SLC5A4: variants seen among roughly 807,000 people sequenced by gnomAD.
The protein encoded by SLC5A4 is solute carrier family 5 member 4.
Under a neutral mutation model 70.3 loss-of-function variants are expected in SLC5A4, and 55 were observed. That is an observed-to-expected ratio of 0.78 (90% CI 0.63 to 0.98). The LOEUF (loss-of-function observed/expected upper bound fraction) is 0.98. Among genes scored for constraint, SLC5A4 ranks in the 50% least tolerant of loss-of-function variants. The probability of loss-of-function intolerance (pLI) is 0.00; values close to 1 mark genes in which losing one functional copy is unlikely to be tolerated. For missense variants in SLC5A4, 735 were observed against 839.2 expected (o/e 0.88, Z 1.53); for synonymous variants, 268 against 305.7 (o/e 0.88, Z 1.29).
At position 32,236,984 on chromosome 22, in the gene SLC5A4, G is replaced by A. The variant is rs558897679; in HGVS notation, c.664+260C>T. Among the ~76,000 whole-genome samples, 78 of 152,226 alleles carry A rather than the reference G, an allele frequency of 5.1e-4. 1 individual carries two copies. Among genetic ancestry groups the A allele is most frequent in the African/African-American group, 1.9e-3 (77 of 41,522 alleles). ...CTCCCAAAGTGCTGGGATTACAAGC[G>A]TGAGCCACCGCGCCCGGCCTCTAAG... On this transcript the variant is annotated intron_variant, in intron 7 of 14. Transcript: ENST00000266086.
chr22:32,272,100 A>G, the SLC5A4 span: 1 of 656,518 alleles, frequency 1.5e-6, no homozygotes. Context: ...GCTTGTGACC[A>G]GCACGAAGAC....
Position 32,240,655 on chromosome 22 carries a change from C to G in SLC5A4, c.478-1565G>C, listed in dbSNP as rs546812475. On this transcript the variant is annotated intron_variant, in intron 5 of 14. Transcript: ENST00000266086. ...AACTTAAGCTGCCAACAGATCATCT[C>G]TTACTTGAAACCTTGAAAGAATTCA... 3.2e-4 allele frequency among the ~76,000 whole-genome samples: 49 copies of G among 152,268 alleles called. 1 individual carries two copies. The South Asian group carries it at 3.9e-3, about 12-fold the overall frequency.
At chr22:32,218,937 G>C (rs1284369372) in intron 14 of SLC5A4, among the ~76,000 whole-genome samples, 1 of 152,080 alleles carries the variant, frequency 6.6e-6, no homozygotes. Flanking sequence ...AAAAACAAAT[G>C]ACAAAATGGG....
At chr22:32,340,864 G>A in the SLC5A4 span, among the ~76,000 whole-genome samples, 2 of 152,200 alleles carry the variant, frequency 1.3e-5, no homozygotes, top group Non-Finnish European at 2.9e-5. Context: ...GTTTTTAAAA[G>A]ATCGCCCTGC....
chr22:32,266,715 G>T, the SLC5A4 span, among the ~76,000 whole-genome samples: 1 of 152,154 alleles, frequency 6.6e-6, no homozygotes, highest in Non-Finnish European at 1.5e-5. Context: ...AGGATGAATG[G>T]CCCATTGTTG....
the SLC5A4 span, among the ~76,000 whole-genome samples, chr22:32,329,588 C>CTTGGGGGCTCTGGTGTGTGTG: frequency 0.01 from 367 of 35,252 alleles, 25 homozygotes; most frequent in Admixed American, 0.022. Flanking sequence ...TGGTGTGTGT[C>CTTGGGGGCTCTGGTGTGTGTG]TTGGGGGCTC....
chr22:32,308,073 TTACC>T, the SLC5A4 span, among the ~76,000 whole-genome samples: 787 of 152,228 alleles, frequency 5.2e-3, 7 homozygotes, highest in African/African-American at 0.018. Context: ...TCCTTCCTTC[TTACC>T]TACCTACCTA....
chr22:32,226,043 CTA>C (rs972842724), intron 11 of SLC5A4, among the ~76,000 whole-genome samples: 27 of 152,240 alleles, frequency 1.8e-4, no homozygotes, highest in African/African-American at 6.3e-4. Context: ...ATAGCTTCAT[CTA>C]TGAGATTAAA....
the SLC5A4 span, among the ~76,000 whole-genome samples, chr22:32,348,679 T>C: frequency 1.3e-5 from 2 of 152,336 alleles, no homozygotes; most frequent in South Asian, 2.1e-4. Context: ...AAGGTAAGAT[T>C]TTCGTAACTA....
intron 10 of SLC5A4, among the ~76,000 whole-genome samples, chr22:32,230,140 T>A (rs1049621753): frequency 1.3e-5 from 2 of 151,922 alleles, no homozygotes; most frequent in African/African-American, 4.8e-5. Context: ...ATGGGAAGCA[T>A]GTGGTGTCAT....
the SLC5A4 span, among the ~76,000 whole-genome samples, chr22:32,325,946 TGA>T: frequency 1.3e-5 from 2 of 152,028 alleles, no homozygotes; most frequent in African/African-American, 4.8e-5. Context: ...CTGGCCCTAG[TGA>T]GAGAGGAGCT....
chr22:32,270,716 T>C, the SLC5A4 span: 6 of 655,962 alleles, frequency 9.1e-6, no homozygotes, highest in South Asian at 9.5e-5. Flanking sequence ...TTGTACTTCA[T>C]CCCTGTGGGC....
the SLC5A4 span, among the ~76,000 whole-genome samples, chr22:32,302,526 T>G: frequency 6.6e-6 from 1 of 152,236 alleles, no homozygotes; most frequent in Non-Finnish European, 1.5e-5. Context: ...AGGGTCTATT[T>G]TGTCTTTTTC....
the SLC5A4 span, among the ~76,000 whole-genome samples, chr22:32,336,069 G>A: frequency 1.3e-5 from 2 of 152,216 alleles, no homozygotes; most frequent in Non-Finnish European, 1.5e-5. Flanking sequence ...CCTGACCCAG[G>A]ACAAAGGAAA....
At chr22:32,257,860 G>C (rs1003922727), upstream of SLC5A4, among the ~76,000 whole-genome samples, 1 of 151,124 alleles carries the variant, frequency 6.6e-6, no homozygotes, top group Non-Finnish European at 1.5e-5. Flanking sequence ...GAGATGGATG[G>C]GGTTTCACCA....
chr22:32,264,550 G>T, the SLC5A4 span, among the ~76,000 whole-genome samples: 1 of 152,058 alleles, frequency 6.6e-6, no homozygotes, highest in African/African-American at 2.4e-5. Flanking sequence ...TAGCAGCAGT[G>T]GGCGACAGAG....
the SLC5A4 span, among the ~76,000 whole-genome samples, chr22:32,300,525 C>T: frequency 0.47 from 69,627 of 146,724 alleles, 16,667 homozygotes; most frequent in Admixed American, 0.51. Flanking sequence ...GGCTCGCACA[C>T]GGTGCGCGCA....
chr22:32,311,412 G>A, the SLC5A4 span, among the ~76,000 whole-genome samples: 1 of 152,226 alleles, frequency 6.6e-6, no homozygotes, highest in Non-Finnish European at 1.5e-5. Flanking sequence ...TAACACCCAT[G>A]GAATGAGTGT....
At chr22:32,230,515 C>T (rs1925686199) in intron 10 of SLC5A4, among the ~76,000 whole-genome samples, 2 of 152,080 alleles carry the variant, frequency 1.3e-5, no homozygotes, top group South Asian at 4.1e-4. Flanking sequence ...TAAATAGTTG[C>T]AGATTAAATA....
Sources: allele counts gnomAD v4.1 joint callset (sites outside exome capture counted in the v4.1 genomes callset), GRCh38; gene constraint gnomAD v4.1.1; transcripts MANE v1.5; gene names NCBI Gene and HGNC (gene_info 2026-07-23, HGNC 2026-07-21).